FAT3: variants seen among roughly 807,000 people sequenced by gnomAD.
FAT3 encodes the protein protocadherin Fat 3.
Under a neutral mutation model 310.2 loss-of-function variants are expected in FAT3, and 95 were observed. The observed-to-expected ratio is 0.31, with a 90% CI of 0.26 to 0.36. The LOEUF is 0.36. Among genes scored for constraint, FAT3 ranks in the 10% least tolerant of loss-of-function variants. The probability of loss-of-function intolerance (pLI) is 1.00; values close to 1 mark genes in which losing one functional copy is unlikely to be tolerated. For synonymous variants in FAT3, 2,314 were observed against 2,192.9 expected (o/e 1.06, Z -1.54); for missense variants, 5,408 against 5,715.6 (o/e 0.95, Z 1.74).
intron 3 of FAT3, among the ~76,000 whole-genome samples, chr11:92,602,865 G>A (rs1299011484): frequency 6.6e-6 from 1 of 152,148 alleles, no homozygotes; most frequent in Non-Finnish European, 1.5e-5. Context: ...AGAATTTGGT[G>A]GAATCAGGAT....
At chr11:92,457,392 GGTGGCA>G (rs1198120122) in intron 2 of FAT3, among the ~76,000 whole-genome samples, 55 of 152,136 alleles carry the variant, frequency 3.6e-4, no homozygotes, top group African/African-American at 1.3e-3. Context: ...GTTCTGAGAA[GGTGGCA>G]GTGCAGTTGC....
intron 3 of FAT3, among the ~76,000 whole-genome samples, chr11:92,568,586 A>T (rs1299751842): frequency 2.0e-5 from 3 of 152,180 alleles, no homozygotes; most frequent in African/African-American, 7.2e-5. Context: ...TAGACTGATT[A>T]TAATGTAGTC....
chr11:92,484,501 G>A (rs1952319082), intron 2 of FAT3, among the ~76,000 whole-genome samples: 1 of 152,128 alleles, frequency 6.6e-6, no homozygotes, highest in Non-Finnish European at 1.5e-5. Context: ...TCTGGGAAAG[G>A]GCGATGATGA....
chr11:92,230,717 T>G (rs1049797407), intron 1 of FAT3, among the ~76,000 whole-genome samples: 8 of 152,248 alleles, frequency 5.3e-5, no homozygotes, highest in African/African-American at 1.9e-4. Flanking sequence ...TTGCTTCTGC[T>G]TCGTGCTGTT....
intron 3 of FAT3, among the ~76,000 whole-genome samples, chr11:92,552,998 A>T (rs1004344844): frequency 1.3e-5 from 2 of 151,884 alleles, no homozygotes; most frequent in Non-Finnish European, 2.9e-5. Context: ...TATGGAAGGA[A>T]ATAGAGGAAA....
intron 3 of FAT3, among the ~76,000 whole-genome samples, chr11:92,563,178 G>C (rs1243760191): frequency 6.6e-6 from 1 of 152,084 alleles, no homozygotes; most frequent in East Asian, 1.9e-4. Context: ...TTGAGTAATT[G>C]CTCAGAAAAT....
At chr11:92,886,328 GGT>G (rs143452563) in intron 24 of FAT3, among the ~76,000 whole-genome samples, 6,865 of 150,436 alleles carry the variant, frequency 0.046, 198 homozygotes, top group Non-Finnish European at 0.069. Flanking sequence ...AAGTAGCCCT[GGT>G]GTGTGTGTGT....
chr11:92,844,242 T>C lies in FAT3; in HGVS notation c.10875T>C (p.Gly3625=), dbSNP rs747608119. 4.3e-6 allele frequency: 7 copies of C among 1,613,868 alleles called. No individual in the cohort carries two copies. The highest frequency in any genetic ancestry group is 2.2e-5 in the South Asian group (2 of 91,078). ...TCCTGAATGTGTCTGTGAGTGATGG[T>C]CGCTTCCAGGTACCCATTGATGTGG... ...KYVLNVSVSD[G]RFQVPIDVVV... The change falls in exon 19 of 28, where the codon GGT becomes GGC. Residue 3625 remains glycine, a synonymous_variant. Coordinates refer to ENST00000525166, the MANE Select transcript of FAT3 (RefSeq NM_001367949.2).
At chr11:92,524,518 G>T (rs976234505) in intron 2 of FAT3, 116 bp from the exon 3 acceptor site, 24 of 869,754 alleles carry the variant, frequency 2.8e-5, no homozygotes, top group Non-Finnish European at 4.0e-5. Context: ...TTATGTTATG[G>T]ATTTGGGTGT....
chr11:92,692,183 G>C (rs1943814903), intron 3 of FAT3, among the ~76,000 whole-genome samples: 1 of 152,162 alleles, frequency 6.6e-6, no homozygotes, highest in Non-Finnish European at 1.5e-5. Context: ...AAACATTAAA[G>C]TTATTCAAAG....
chr11:92,720,431 A>T (rs1156459004), intron 4 of FAT3, among the ~76,000 whole-genome samples: 1 of 152,232 alleles, frequency 6.6e-6, no homozygotes, highest in African/African-American at 2.4e-5. Flanking sequence ...GAATAGATGG[A>T]TACACATAAA....
chr11:92,325,590 A>C (rs1291622971), intron 1 of FAT3, among the ~76,000 whole-genome samples: 2 of 152,262 alleles, frequency 1.3e-5, no homozygotes, highest in East Asian at 3.9e-4. Context: ...TTTGGAATGC[A>C]GGACTTTGGC....
intron 20 of FAT3, 61 bp from the exon 21 acceptor site, chr11:92,859,104 G>A (rs1949056335): frequency 1.3e-6 from 2 of 1,499,020 alleles, no homozygotes; most frequent in Admixed American, 1.9e-5. Flanking sequence ...GTGATTTCAT[G>A]TGTCTCTGTT....
intron 2 of FAT3, among the ~76,000 whole-genome samples, chr11:92,481,433 A>G (rs1952224517): frequency 6.6e-6 from 1 of 152,168 alleles, no homozygotes; most frequent in Non-Finnish European, 1.5e-5. Flanking sequence ...AAATTCAAGA[A>G]AATAGAGTAT....
intron 3 of FAT3, among the ~76,000 whole-genome samples, chr11:92,691,979 A>G (rs540681377): frequency 5.3e-5 from 8 of 152,304 alleles, no homozygotes; most frequent in African/African-American, 1.7e-4. Flanking sequence ...TACTCAATAA[A>G]TATTGGATAC....
Position 92,867,443 on chromosome 11 carries a change from CAG to C in FAT3, c.12127+235_12127+236del, listed in dbSNP as rs549940124. ...TTCCCATAGGTGCAGTGCAGTGGCACAGGGGCCCAGAGAGGCCATCAACTCTG... is the reference window on the plus strand; with the variant it reads ...TTCCCATAGGTGCAGTGCAGTGGCACGGGCCCAGAGAGGCCATCAACTCTG... On this transcript the variant is annotated intron_variant, in intron 22 of 27. Transcript: ENST00000525166. Among the ~76,000 whole-genome samples, 737 of 152,324 alleles carry C rather than the reference CAG, an allele frequency of 4.8e-3. 9 individuals carry two copies. The highest frequency in any genetic ancestry group is 0.016 in the African/African-American group (677 of 41,574).
intron 3 of FAT3, among the ~76,000 whole-genome samples, chr11:92,603,334 G>A (rs1940120059): frequency 6.6e-6 from 1 of 152,242 alleles, no homozygotes. Flanking sequence ...TATGAATAAG[G>A]CCAAAAGCCT....
At chr11:92,845,079 G>A (rs944123544) in intron 19 of FAT3, among the ~76,000 whole-genome samples, 12 of 152,194 alleles carry the variant, frequency 7.9e-5, no homozygotes, top group African/African-American at 2.9e-4. Context: ...GGGAGGGAGA[G>A]CCTTCTAGGC....
At chr11:92,705,194 T>C (rs1374379033) in intron 4 of FAT3, among the ~76,000 whole-genome samples, 1 of 152,212 alleles carries the variant, frequency 6.6e-6, no homozygotes, top group East Asian at 1.9e-4. Context: ...AGCAGATTTT[T>C]TAAAATTCAT....
Sources: allele counts gnomAD v4.1 joint callset (sites outside exome capture counted in the v4.1 genomes callset), GRCh38; gene constraint gnomAD v4.1.1; transcripts MANE v1.5; gene names NCBI Gene and HGNC (gene_info 2026-07-23, HGNC 2026-07-21).